ASAP1: variants seen among roughly 807,000 people sequenced by gnomAD.
The protein encoded by ASAP1 is arf-GAP with SH3 domain, ANK repeat and PH domain-containing protein 1.
In ASAP1, 43 loss-of-function variants were observed where a neutral mutation model predicts 145.2. The observed-to-expected ratio is 0.30, with a 90% CI of 0.23 to 0.38. The LOEUF (loss-of-function observed/expected upper bound fraction) is 0.38, where lower values mean the gene tolerates loss of function less well. Ranked by LOEUF, ASAP1 falls within the 10% of genes least tolerant of loss-of-function variation. The pLI is 1.00. For missense variants in ASAP1, 1,018 were observed against 1,355.3 expected, an observed-to-expected ratio of 0.75 and a Z score of 3.91; for synonymous variants, 546 against 515.5, an observed-to-expected ratio of 1.06 and a Z score of -0.80.
intron 20 of ASAP1, among the ~76,000 whole-genome samples, chr8:130,117,196 T>C (rs6470802): frequency 0.52 from 79,286 of 152,070 alleles, 21,233 homozygotes; most frequent in East Asian, 0.68. Flanking sequence ...CCAGGTCCTA[T>C]GGGACAGACA....
chr8:130,152,934 A>C, intron 12 of ASAP1, 129 bp from the exon 13 acceptor site: 2 of 621,948 alleles, frequency 3.2e-6, no homozygotes, highest in South Asian at 3.1e-5. Flanking sequence ...CCCCCCCAAA[A>C]AAATCCTGGT....
intron 5 of ASAP1, among the ~76,000 whole-genome samples, chr8:130,191,304 T>C (rs779914747): frequency 2.6e-5 from 4 of 152,178 alleles, no homozygotes; most frequent in Non-Finnish European, 5.9e-5. Context: ...CAAGTTTTAG[T>C]AGGTGTGGAA....
Position 130,116,703 on chromosome 8 carries a change from A to C in ASAP1, c.2039T>G (p.Leu680Arg). 1 of 1,614,122 alleles carries C rather than the reference A, an allele frequency of 6.2e-7. No homozygotes were observed. Among genetic ancestry groups the C allele is most frequent in the Non-Finnish European group, 8.5e-7 (1 of 1,179,984 alleles). ...CAGATCTTCACACTGGGTAGCTTTT[A>C]GTCTCTTTGCTATGTCTAGGGCAGT... ...GETALDIAKRLKATQCEDLLS... is the reference protein window; with the variant it reads ...GETALDIAKRRKATQCEDLLS... Residue 680 changes from leucine to arginine, a missense_variant, in exon 22 of 30, where the codon CTA (leucine) becomes CGA (arginine). Coordinates refer to ENST00000518721, the MANE Select transcript of ASAP1 (RefSeq NM_018482.4).
At chr8:130,058,211 C>T (rs967195357) in intron 28 of ASAP1, 135 bp from the exon 29 acceptor site, 16 of 945,706 alleles carry the variant, frequency 1.7e-5, no homozygotes, top group African/African-American at 4.9e-5. Context: ...CCTTGAAGGG[C>T]GGGAAGAAGA....
intron 1 of ASAP1, among the ~76,000 whole-genome samples, chr8:130,417,676 GA>G (rs906194614): frequency 6.6e-6 from 1 of 152,138 alleles, no homozygotes; most frequent in African/African-American, 2.4e-5. Flanking sequence ...ACAAGTCCAG[GA>G]AGGATGGAAA....
At chr8:130,339,997 CGT>C (rs918196247) in intron 3 of ASAP1, among the ~76,000 whole-genome samples, 1 of 152,154 alleles carries the variant, frequency 6.6e-6, no homozygotes, top group African/African-American at 2.4e-5. Context: ...TCAAGGCTTC[CGT>C]GTGTGTACAT....
At chr8:130,341,472 G>C (rs1157394396) in intron 3 of ASAP1, among the ~76,000 whole-genome samples, 3 of 152,192 alleles carry the variant, frequency 2.0e-5, no homozygotes, top group African/African-American at 7.2e-5. Flanking sequence ...CCCTTCGGCA[G>C]TAAAACCTGG....
chr8:130,190,342 T>C (rs558833882), intron 5 of ASAP1, among the ~76,000 whole-genome samples: 5 of 152,242 alleles, frequency 3.3e-5, no homozygotes, highest in East Asian at 1.9e-4. Flanking sequence ...TGGTGAGAGA[T>C]AGGGTCTAGT....
chr8:130,226,225 C>A (rs1162316833), intron 4 of ASAP1, among the ~76,000 whole-genome samples: 1 of 152,026 alleles, frequency 6.6e-6, no homozygotes, highest in African/African-American at 2.4e-5. Flanking sequence ...GCCACCAATC[C>A]AAAAACTTAG....
chr8:130,372,698 TATGG>T (rs1827267880), intron 2 of ASAP1, among the ~76,000 whole-genome samples: 1 of 152,230 alleles, frequency 6.6e-6, no homozygotes, highest in Non-Finnish European at 1.5e-5. Flanking sequence ...TTGTATGCAC[TATGG>T]ATGGCTAGAG....
chr8:130,411,074 C>A (rs1410136348), intron 1 of ASAP1, among the ~76,000 whole-genome samples: 1 of 152,184 alleles, frequency 6.6e-6, no homozygotes, highest in Non-Finnish European at 1.5e-5. Flanking sequence ...TTGGCCCAGG[C>A]TGGTCTCGAA....
At chr8:130,250,426 T>C (rs935575004) in intron 3 of ASAP1, among the ~76,000 whole-genome samples, 3 of 152,204 alleles carry the variant, frequency 2.0e-5, no homozygotes, top group African/African-American at 4.8e-5. Context: ...TTCTACTTTT[T>C]GTCACGTCCA....
At chr8:130,168,147 TA>T (rs1167397391) in intron 10 of ASAP1, among the ~76,000 whole-genome samples, 1 of 152,216 alleles carries the variant, frequency 6.6e-6, no homozygotes, top group Non-Finnish European at 1.5e-5. Flanking sequence ...TATGCATTTT[TA>T]AAGTTATATA....
intron 3 of ASAP1, among the ~76,000 whole-genome samples, chr8:130,316,372 C>A (rs148684726): frequency 6.6e-6 from 1 of 152,332 alleles, no homozygotes; most frequent in East Asian, 1.9e-4. Context: ...CTTTTCTACT[C>A]CAAGTATTCC....
intron 2 of ASAP1, among the ~76,000 whole-genome samples, chr8:130,400,790 CAAA>C (rs112753204): frequency 2.9e-5 from 3 of 103,030 alleles, no homozygotes; most frequent in Non-Finnish European, 4.1e-5. Flanking sequence ...GACTCCGTCT[CAAA>C]AAAAAAAAAA....
intron 25 of ASAP1, among the ~76,000 whole-genome samples, chr8:130,087,836 A>G (rs2097497094): frequency 6.6e-6 from 1 of 152,214 alleles, no homozygotes; most frequent in African/African-American, 2.4e-5. Flanking sequence ...GTGAATCTGG[A>G]GGAGGAAATC....
At position 130,294,578 on chromosome 8, in the gene ASAP1, T is replaced by C. The variant is rs959954369; in HGVS notation, c.187-57584A>G. Among the ~76,000 whole-genome samples the C allele has an allele frequency of 2.7e-4, 41 of 152,234 alleles. 1 individual carries two copies. Among genetic ancestry groups the C allele is most frequent in the South Asian group, 2.1e-4 (1 of 4,836 alleles). The stretch of plus-strand genomic sequence containing the variant: ...GCAGTCAGAAAGATGAATGAGATAA[T>C]ACATCTAAAGTATGTTTAAGTGTCC... On this transcript the variant is annotated intron_variant, in intron 3 of 29. Coordinates refer to ENST00000518721, the MANE Select transcript of ASAP1 (RefSeq NM_018482.4).
chr8:130,353,008 C>T lies in ASAP1; in HGVS notation c.186+5009G>A, dbSNP rs371194105. On this transcript the variant is annotated intron_variant, in intron 3 of 29. Transcript: ENST00000518721. ...CTTCATTGTATCCCTGGGCCTAGCA[C>T]ACTGCTGGGCACATAGGAGGCACTG... Among the ~76,000 whole-genome samples, 5 of 152,302 alleles carry T rather than the reference C, an allele frequency of 3.3e-5. No homozygotes were observed. In the South Asian group the frequency reaches 1.0e-3, roughly 32 times the overall value.
At chr8:130,124,806 T>C (rs1236121896) in intron 17 of ASAP1, among the ~76,000 whole-genome samples, 1 of 152,226 alleles carries the variant, frequency 6.6e-6, no homozygotes, top group East Asian at 1.9e-4. Context: ...TCCTCTTTCT[T>C]GTTGTCAAAC....
Sources: gnomAD v4.1 joint callset for allele counts (sites outside exome capture counted in the v4.1 genomes callset) on GRCh38, gnomAD v4.1.1 for gene constraint, MANE v1.5 for transcripts, NCBI Gene and HGNC (gene_info 2026-07-23, HGNC 2026-07-21) for gene names.